RSPH6A: variants seen among roughly 807,000 people sequenced by gnomAD.
RSPH6A encodes the protein radial spoke head 6 homolog A.
Under a neutral mutation model 66.1 loss-of-function variants are expected in RSPH6A, and 49 were observed. The observed-to-expected ratio is 0.74, with a 90% CI of 0.59 to 0.94. The LOEUF (loss-of-function observed/expected upper bound fraction) is 0.94. Among genes scored for constraint, RSPH6A ranks in the 40% least tolerant of loss-of-function variants. RSPH6A has a pLI of 0.00. For synonymous variants in RSPH6A, 419 were observed against 402.4 expected (o/e 1.04, Z -0.49); for missense variants, 977 against 948.3 (o/e 1.03, Z -0.40).
Position 45,815,299 on chromosome 19 carries a change from C to A in RSPH6A, c.-123G>T. The A allele has an allele frequency of 8.3e-7, 1 of 1,204,746 alleles. No homozygotes were observed. The highest frequency in any genetic ancestry group is 1.1e-6 in the Non-Finnish European group (1 of 888,466). The allele number at this position is 1,204,746 out of a possible 1,614,324, so 74.6% of individuals were successfully genotyped here. A position where few individuals can be genotyped will look rare whatever the true frequency, so the allele number is the denominator to read the frequency against. On this transcript the variant is annotated 5_prime_UTR_variant, in exon 1 of 6. Coordinates refer to ENST00000221538, the MANE Select transcript of RSPH6A (RefSeq NM_030785.4). ...AGAGGGGGCCGTTACCCGTGGAGGG[C>A]GCGGGGAGCGGGCCAGGGTGGGTTC...
Position 45,797,417 on chromosome 19 carries a change from A to G in RSPH6A, c.1917-1311T>C, listed in dbSNP as rs138048405. ...AAAGAAATAAGTAACTAAAAATAAC[A>G]AAAAAAATTAAATTATATATGTGGC... On this transcript the variant is annotated intron_variant, in intron 5 of 5. Coordinates refer to ENST00000221538, the MANE Select transcript of RSPH6A (RefSeq NM_030785.4). 8.9e-3 allele frequency among the ~76,000 whole-genome samples: 1,349 copies of G among 151,532 alleles called. 23 individuals are homozygous for G. Among genetic ancestry groups the G allele is most frequent in the African/African-American group, 0.031 (1,273 of 41,180 alleles).
Position 45,800,626 on chromosome 19 carries a change from C to T in RSPH6A, c.1799-63G>A, listed in dbSNP as rs1385265207. 1.1e-5 allele frequency: 15 copies of T among 1,384,244 alleles called. No homozygotes were observed. The East Asian group carries it at 3.3e-4, about 30-fold the overall frequency. The allele number at this position is 1,384,244 out of a possible 1,614,324, so 85.7% of individuals were successfully genotyped here. On this transcript the variant is annotated intron_variant, in intron 4 of 5. Coordinates refer to ENST00000221538, the MANE Select transcript of RSPH6A (RefSeq NM_030785.4). Reference sequence around the variant, plus strand: ...AGGGAGGCCCCCAGGCCCTGCACTGCACCCTGAAGGAAGGAAGGCAGCAGT... The same window carrying T: ...AGGGAGGCCCCCAGGCCCTGCACTGTACCCTGAAGGAAGGAAGGCAGCAGT...
At position 45,815,180 on chromosome 19, in the gene RSPH6A, TCG is replaced by T. The variant is rs1970690900; in HGVS notation, c.-6_-5del. The T allele has an allele frequency of 6.3e-7, 1 of 1,592,982 alleles. No individual in the cohort carries two copies. Among genetic ancestry groups the T allele is most frequent in the South Asian group, 1.1e-5 (1 of 89,746 alleles). On this transcript the variant is annotated 5_prime_UTR_variant, in exon 1 of 6. Coordinates refer to ENST00000221538, the MANE Select transcript of RSPH6A (RefSeq NM_030785.4). ...GGTAGGGCGGCAGGTCTCCCATGGT[TCG>T]CCAGGAGGCACAGATCTCTAGGAGA...
intron 1 of RSPH6A, among the ~76,000 whole-genome samples, chr19:45,812,812 A>G (rs1970647168): frequency 6.6e-6 from 1 of 151,988 alleles, no homozygotes; most frequent in Admixed American, 6.6e-5. Context: ...CTCCTGCCTC[A>G]GCCTCCCGAG....
In RSPH6A at chr19:45,810,777, A is replaced by C. The variant is rs148945396; in HGVS notation, c.714T>G (p.Ser238=). The C allele has an allele frequency of 5.0e-6, 8 of 1,613,708 alleles. No individual in the cohort carries two copies. In the Admixed American group the frequency reaches 1.0e-4, roughly 20 times the overall value. The change falls in exon 2 of 6, where the codon TCT becomes TCG. Residue 238 remains serine, a synonymous_variant. Coordinates refer to ENST00000221538, the MANE Select transcript of RSPH6A (RefSeq NM_030785.4). ...ILNQRPEDPL[S]VLESLNRTTQ... ...TGGTGCGGTTCAGAGACTCCAGGACAGACAAGGGGTCCTCAGGCCGCTGGT... is the reference window on the plus strand; with the variant it reads ...TGGTGCGGTTCAGAGACTCCAGGACCGACAAGGGGTCCTCAGGCCGCTGGT...
intron 2 of RSPH6A, among the ~76,000 whole-genome samples, chr19:45,807,127 C>T (rs555105777): frequency 1.0e-3 from 151 of 151,748 alleles, no homozygotes; most frequent in African/African-American, 3.4e-3. Context: ...CTCCTGACCT[C>T]GTGATCCGCC....
Position 45,804,663 on chromosome 19 carries a change from G to A in RSPH6A, c.1242C>T (p.Ile414=). ...CGCCTGAGCGGCTCTCCTCCTTGGG[G>A]ATCACGGGCGGCGGCTTCCATACGG... ...PKSVWKPPPV[I]PKEESRSGAN... Residue 414 remains isoleucine, a synonymous_variant, in exon 3 of 6, where the codon ATC becomes ATT. Transcript: ENST00000221538. This position sits in a 1 kb window ranked among gnomAD's most constrained non-coding sequence, Gnocchi z 5.8. The A allele has an allele frequency of 6.2e-7, 1 of 1,614,058 alleles. No individual in the cohort carries two copies. The highest frequency in any genetic ancestry group is 8.5e-7 in the Non-Finnish European group (1 of 1,180,018).
At position 45,814,854 on chromosome 19, in the gene RSPH6A, C is replaced by G; in HGVS notation, c.323G>C (p.Arg108Thr). 1 of 1,614,168 alleles carries G rather than the reference C, an allele frequency of 6.2e-7. No homozygotes were observed. The highest frequency in any genetic ancestry group is 1.1e-5 in the South Asian group (1 of 91,084). ...GGTGGTGAGCTCGGCGACCTGCATC[C>G]TGCTTTCATCAGAGTAAGGCTGAGG... ...FQPQPYSDES[R>T]MQVAELTTSL... The change falls in exon 1 of 6, where the codon AGG (arginine) becomes ACG (threonine). Residue 108 changes from arginine to threonine, a missense_variant. By Grantham distance (71) the Arg-to-Thr change is moderately conservative. Transcript: ENST00000221538.
Position 45,804,732 on chromosome 19 carries a change from C to G in RSPH6A, c.1173G>C (p.Glu391Asp). ...GEVMEAHGEE[E>D]GEEDEEKAVD... is the part of the protein sequence containing the mutation. ...CGGCCTTCTCCTCGTCCTCCTCGCC[C>G]TCCTCCTCGCCGTGCGCCTCCATGA... Residue 391 changes from glutamate to aspartate, a missense_variant, in exon 3 of 6, where the codon GAG (glutamate) becomes GAC (aspartate). Physicochemically the swap from Glu to Asp is conservative, Grantham distance 45. Coordinates refer to ENST00000221538, the MANE Select transcript of RSPH6A (RefSeq NM_030785.4). The surrounding 1 kb of genome is among the most constrained non-coding windows in gnomAD (Gnocchi z 5.8). 1 of 1,613,224 alleles carries G rather than the reference C, an allele frequency of 6.2e-7. No individual in the cohort carries two copies. The highest frequency in any genetic ancestry group is 8.5e-7 in the Non-Finnish European group (1 of 1,179,638).
chr19:45,810,625 TCGCCTTCAGTGC>T lies in RSPH6A; in HGVS notation c.854_865del (p.Gly285_Gly288del), dbSNP rs747966760. The T allele has an allele frequency of 1.9e-6, 3 of 1,614,014 alleles. No individual in the cohort carries two copies. Among genetic ancestry groups the T allele is most frequent in the Non-Finnish European group, 2.5e-6 (3 of 1,180,012 alleles). On this transcript the variant is annotated inframe_deletion, in exon 2 of 6. Coordinates refer to ENST00000221538, the MANE Select transcript of RSPH6A (RefSeq NM_030785.4). ...CACCACCTCCTCCTCCATCTCCTGTTCGCCTTCAGTGCCGCCTCCACTCCGGGTGAACAGCGC... is the reference window on the plus strand; with the variant it reads ...CACCACCTCCTCCTCCATCTCCTGTTCGCCTCCACTCCGGGTGAACAGCGC...
Position 45,810,747 on chromosome 19 carries a change from C to T in RSPH6A, c.744G>A (p.Gln248=), listed in dbSNP as rs1600479571. The change falls in exon 2 of 6, where the codon CAG becomes CAA. Residue 248 remains glutamine (Q), a synonymous_variant. Transcript: ENST00000221538. The part of the protein sequence containing the change: ...SVLESLNRTT[Q]WEWFHPKLDT... ...CCAGCTTGGGGTGGAACCACTCCCACTGCGTGGTGCGGTTCAGAGACTCCA... is the reference window on the plus strand; with the variant it reads ...CCAGCTTGGGGTGGAACCACTCCCATTGCGTGGTGCGGTTCAGAGACTCCA... 6.2e-7 allele frequency: 1 copy of T among 1,614,208 alleles called. No individual in the cohort carries two copies.
rs1444075982 is a variant in RSPH6A, at chr19:45,815,197, T to G, written c.-21A>C. On this transcript the variant is annotated 5_prime_UTR_variant, in exon 1 of 6. Transcript: ENST00000221538. ...CCCATGGTTCGCCAGGAGGCACAGATCTCTAGGAGAAAGGCTTGCAGACAA... is the reference window on the plus strand; with the variant it reads ...CCCATGGTTCGCCAGGAGGCACAGAGCTCTAGGAGAAAGGCTTGCAGACAA... 4 of 1,564,768 alleles carry G rather than the reference T, an allele frequency of 2.6e-6. No individual in the cohort carries two copies. In the African/African-American group the frequency reaches 5.4e-5, roughly 21 times the overall value.
intron 1 of RSPH6A, 123 bp downstream of exon 1, chr19:45,814,404 G>A (rs2146291771): frequency 2.3e-6 from 2 of 869,326 alleles, no homozygotes; most frequent in Non-Finnish European, 3.3e-6. Context: ...CGACTCAGCT[G>A]AATTAGAGTC....
intron 2 of RSPH6A, among the ~76,000 whole-genome samples, chr19:45,808,160 C>T (rs767345694): frequency 1.3e-5 from 2 of 152,248 alleles, no homozygotes; most frequent in Non-Finnish European, 2.9e-5. Flanking sequence ...GGCGCCATGG[C>T]TCACGCCTGT....
chr19:45,808,900 CAG>C (rs1970582738), intron 2 of RSPH6A, among the ~76,000 whole-genome samples: 1 of 151,622 alleles, frequency 6.6e-6, no homozygotes, highest in Non-Finnish European at 1.5e-5. Context: ...CTCCTGACCT[CAG>C]GTGATCCACC....
At chr19:45,796,813 T>C (rs1401191987) in intron 5 of RSPH6A, among the ~76,000 whole-genome samples, 1 of 152,098 alleles carries the variant, frequency 6.6e-6, no homozygotes, top group Non-Finnish European at 1.5e-5. Context: ...ATGCCTGGCC[T>C]AATTTTTGTA....
chr19:45,812,480 G>A (rs1970642684), intron 1 of RSPH6A, among the ~76,000 whole-genome samples: 1 of 152,052 alleles, frequency 6.6e-6, no homozygotes, highest in Non-Finnish European at 1.5e-5. Flanking sequence ...GCAGTCTTGG[G>A]TGTGGTGTTG....
At chr19:45,812,169 G>A (rs1449575594) in intron 1 of RSPH6A, among the ~76,000 whole-genome samples, 7 of 151,644 alleles carry the variant, frequency 4.6e-5, no homozygotes, top group Non-Finnish European at 7.4e-5. Context: ...TTGGCTCACT[G>A]CAACCTCTGG....
At chr19:45,811,160 C>T (rs1970622788) in intron 1 of RSPH6A, among the ~76,000 whole-genome samples, 1 of 151,510 alleles carries the variant, frequency 6.6e-6, no homozygotes, top group Admixed American at 6.6e-5. Flanking sequence ...CGCCTGGTTA[C>T]TTTTTGGATT....
Sources: allele counts gnomAD v4.1 joint callset (sites outside exome capture counted in the v4.1 genomes callset), GRCh38; gene constraint gnomAD v4.1.1; non-coding constraint Gnocchi (gnomAD v3.1); transcripts MANE v1.5; gene names NCBI Gene and HGNC (gene_info 2026-07-23, HGNC 2026-07-21).